PTPRT: variants seen among roughly 807,000 people sequenced by gnomAD.
The protein encoded by PTPRT is protein tyrosine phosphatase receptor type T.
Under a neutral mutation model 176.8 loss-of-function variants are expected in PTPRT, and 56 were observed. The ratio of observed to expected loss-of-function variants is 0.32; its 90% CI spans 0.26 to 0.40. PTPRT has a LOEUF of 0.40. Among genes scored for constraint, PTPRT ranks in the 10% least tolerant of loss-of-function variants. The pLI is 1.00. For synonymous variants in PTPRT, 783 were observed against 739.0 expected, an observed-to-expected ratio of 1.06 and a Z score of -0.96; for missense variants, 1,540 against 1,908.2, an observed-to-expected ratio of 0.81 and a Z score of 3.60.
intron 26 of PTPRT, among the ~76,000 whole-genome samples, chr20:42,099,542 TGGGCGGGGGG>T (rs1985670577): frequency 1.1e-4 from 1 of 8,706 alleles, no homozygotes; most frequent in Non-Finnish European, 1.9e-4. Flanking sequence ...GAAAATGGCC[TGGGCGGGGGG>T]GGGGGGGGTG....
At chr20:42,953,445 C>T (rs892240745) in intron 1 of PTPRT, among the ~76,000 whole-genome samples, 16 of 152,226 alleles carry the variant, frequency 1.1e-4, no homozygotes, top group Admixed American at 9.2e-4. Flanking sequence ...CCACTGCCAT[C>T]CCTCGGTGAA....
intron 27 of PTPRT, among the ~76,000 whole-genome samples, chr20:42,095,146 GT>G (rs1355013830): frequency 6.6e-6 from 1 of 152,104 alleles, no homozygotes; most frequent in African/African-American, 2.4e-5. Flanking sequence ...TATCACAGTA[GT>G]CTCTTGTCTG....
intron 2 of PTPRT, among the ~76,000 whole-genome samples, chr20:42,832,591 T>C (rs2078108103): frequency 6.6e-6 from 1 of 151,580 alleles, no homozygotes; most frequent in African/African-American, 2.4e-5. Context: ...AAAAGGATCA[T>C]TCCAAGAACC....
At chr20:42,738,940 C>T (rs1448269840) in intron 6 of PTPRT, among the ~76,000 whole-genome samples, 1 of 152,008 alleles carries the variant, frequency 6.6e-6, no homozygotes, top group African/African-American at 2.4e-5. Context: ...GCTGTGGTGG[C>T]ACCTGTAGTC....
At chr20:42,278,899 G>A (rs2057092784) in intron 13 of PTPRT, among the ~76,000 whole-genome samples, 1 of 152,102 alleles carries the variant, frequency 6.6e-6, no homozygotes, top group South Asian at 2.1e-4. Flanking sequence ...AGCACCTGTG[G>A]CTGACATCTT....
intron 7 of PTPRT, among the ~76,000 whole-genome samples, chr20:42,652,273 C>T (rs754738331): frequency 6.6e-6 from 1 of 152,166 alleles, no homozygotes; most frequent in Non-Finnish European, 1.5e-5. Flanking sequence ...TCTGAATCCA[C>T]ATTGCCATTT....
intron 2 of PTPRT, among the ~76,000 whole-genome samples, chr20:42,818,621 C>A (rs1197180275): frequency 2.0e-5 from 3 of 151,988 alleles, no homozygotes; most frequent in African/African-American, 7.3e-5. Context: ...AGCTAAGAAC[C>A]TTGATAAAAG....
chr20:42,959,499 G>T (rs1212005718), intron 1 of PTPRT, among the ~76,000 whole-genome samples: 2 of 152,168 alleles, frequency 1.3e-5, no homozygotes, highest in Non-Finnish European at 2.9e-5. Flanking sequence ...AAAAGCCCTT[G>T]AAAGTAGGTA....
At chr20:42,136,200 C>T (rs1258997311) in intron 18 of PTPRT, among the ~76,000 whole-genome samples, 1 of 116,438 alleles carries the variant, frequency 8.6e-6, no homozygotes, top group Non-Finnish European at 1.7e-5. Flanking sequence ...TTCTTCCTGT[C>T]TTCTGGGCAC....
chr20:43,084,312 GTAATTTA>G (rs1344295070), intron 1 of PTPRT, among the ~76,000 whole-genome samples: 1 of 152,168 alleles, frequency 6.6e-6, no homozygotes, highest in African/African-American at 2.4e-5. Flanking sequence ...CTGAGATGGG[GTAATTTA>G]TAAAGGAAAG....
chr20:42,828,451 C>T (rs370698144), intron 2 of PTPRT, among the ~76,000 whole-genome samples: 4 of 152,316 alleles, frequency 2.6e-5, no homozygotes, highest in South Asian at 4.1e-4. Context: ...TCCAAGCCTG[C>T]TGCAGAAATT....
intron 1 of PTPRT, among the ~76,000 whole-genome samples, chr20:43,056,284 G>C (rs542145991): frequency 6.6e-6 from 1 of 152,078 alleles, no homozygotes; most frequent in Non-Finnish European, 1.5e-5. Flanking sequence ...CTACATCTTC[G>C]CATCCTTCCA....
At chr20:42,631,745 T>C (rs1180348249) in intron 7 of PTPRT, among the ~76,000 whole-genome samples, 8 of 152,184 alleles carry the variant, frequency 5.3e-5, no homozygotes, top group Non-Finnish European at 7.3e-5. Context: ...GAGGGGATTC[T>C]TGAAGAAGCT....
intron 13 of PTPRT, among the ~76,000 whole-genome samples, chr20:42,251,722 A>AG: frequency 6.6e-6 from 1 of 151,190 alleles, no homozygotes; most frequent in African/African-American, 2.4e-5. Context: ...GTACTTAAAA[A>AG]ACAAAAAAAA....
intron 3 of PTPRT, among the ~76,000 whole-genome samples, chr20:42,785,522 T>C (rs550986134): frequency 6.6e-6 from 1 of 152,286 alleles, no homozygotes; most frequent in South Asian, 2.1e-4. Flanking sequence ...TATGTGCAAG[T>C]ATGTTTTGAA....
At chr20:42,228,099 A>G (rs1442211641) in intron 15 of PTPRT, among the ~76,000 whole-genome samples, 1 of 152,200 alleles carries the variant, frequency 6.6e-6, no homozygotes, top group East Asian at 1.9e-4. Flanking sequence ...GTCTTTTCTA[A>G]GCCTCAAGAC....
chr20:42,812,682 T>G (rs1484310804), intron 2 of PTPRT, among the ~76,000 whole-genome samples: 1 of 152,180 alleles, frequency 6.6e-6, no homozygotes, highest in Non-Finnish European at 1.5e-5. Flanking sequence ...TGAATCCCAA[T>G]TCTGTTATAT....
At chr20:42,262,269 G>A (rs2056762743) in intron 13 of PTPRT, among the ~76,000 whole-genome samples, 1 of 152,236 alleles carries the variant, frequency 6.6e-6, no homozygotes, top group Non-Finnish European at 1.5e-5. Flanking sequence ...CTCTTAGTGG[G>A]AGGTGAGGAG....
intron 6 of PTPRT, among the ~76,000 whole-genome samples, chr20:42,744,605 CAAAT>C (rs151039643): frequency 0.021 from 3,233 of 152,226 alleles, 113 homozygotes; most frequent in African/African-American, 0.073. Context: ...ATTGCTGTAA[CAAAT>C]AAACCCCAAG....
Sources: gnomAD v4.1 joint callset for allele counts (sites outside exome capture counted in the v4.1 genomes callset) on GRCh38, gnomAD v4.1.1 for gene constraint, MANE v1.5 for transcripts, NCBI Gene and HGNC (gene_info 2026-07-23, HGNC 2026-07-21) for gene names.